DCLK2: variants seen among roughly 807,000 people sequenced by gnomAD.
DCLK2 encodes serine/threonine-protein kinase DCLK2.
A neutral mutation model predicts 78.4 loss-of-function variants in DCLK2; 31 were observed. The ratio of observed to expected loss-of-function variants is 0.40; its 90% CI spans 0.30 to 0.53. The LOEUF (loss-of-function observed/expected upper bound fraction) is 0.53. Ranked by LOEUF, DCLK2 falls within the 20% of genes least tolerant of loss-of-function variation. The pLI, the probability that DCLK2 is intolerant of heterozygous loss-of-function variation, is 0.61. For synonymous variants in DCLK2, 407 were observed against 374.9 expected, an observed-to-expected ratio of 1.09 and a Z score of -0.99; for missense variants, 872 against 973.7, an observed-to-expected ratio of 0.90 and a Z score of 1.39.
chr4:150,245,046 A>G (rs1235013010), intron 12 of DCLK2, among the ~76,000 whole-genome samples: 1 of 151,594 alleles, frequency 6.6e-6, no homozygotes, highest in Non-Finnish European at 1.5e-5. Flanking sequence ...CTCATTTTAA[A>G]TATCTTTTTC....
At chr4:150,118,393 G>T (rs1424933146) in intron 2 of DCLK2, among the ~76,000 whole-genome samples, 4 of 152,100 alleles carry the variant, frequency 2.6e-5, no homozygotes, top group Non-Finnish European at 5.9e-5. Context: ...ATTAAAGAGT[G>T]ATTAGTACTA....
intron 2 of DCLK2, among the ~76,000 whole-genome samples, chr4:150,155,184 T>C (rs1560818036): frequency 6.6e-6 from 1 of 152,216 alleles, no homozygotes. Flanking sequence ...TGAGCCATGA[T>C]TGTGCCATTG....
intron 1 of DCLK2, among the ~76,000 whole-genome samples, chr4:150,089,128 G>A (rs1361113001): frequency 1.3e-5 from 2 of 152,136 alleles, no homozygotes; most frequent in African/African-American, 2.4e-5. Context: ...TTTTGGATAA[G>A]GAATACCCAA....
chr4:150,211,254 G>A (rs1236103565), intron 5 of DCLK2, among the ~76,000 whole-genome samples: 1 of 152,114 alleles, frequency 6.6e-6, no homozygotes, highest in Non-Finnish European at 1.5e-5. Context: ...GGACCTCTCT[G>A]TAAGTTGGCT....
chr4:150,128,020 C>G (rs556626900), intron 2 of DCLK2, among the ~76,000 whole-genome samples: 13 of 151,650 alleles, frequency 8.6e-5, no homozygotes, highest in Admixed American at 7.9e-4. Context: ...TCTAGAAATT[C>G]GATGACTGCG....
chr4:150,256,283 C>G lies in DCLK2; in HGVS notation c.*36C>G. On this transcript the variant is annotated 3_prime_UTR_variant, in exon 16 of 16. Coordinates refer to ENST00000296550, the MANE Select transcript of DCLK2 (RefSeq NM_001040260.4). ...GACGGGCGAAGCCGCCTGCTGCAGC[C>G]CAGGAAGCCAGCCCTCTGCTCGGCC... 6.8e-7 allele frequency: 1 copy of G among 1,464,058 alleles called. No individual in the cohort carries two copies. The highest frequency in any genetic ancestry group is 9.0e-7 in the Non-Finnish European group (1 of 1,111,132). 90.7% of individuals were successfully genotyped at this position (1,464,058 alleles called of 1,614,324 possible).
At chr4:150,096,889 T>C (rs2150146339) in intron 1 of DCLK2, among the ~76,000 whole-genome samples, 1 of 151,900 alleles carries the variant, frequency 6.6e-6, no homozygotes, top group Non-Finnish European at 1.5e-5. Context: ...GCACATTAGG[T>C]AGAGTAGAGT....
At position 150,173,402 on chromosome 4, in the gene DCLK2, T is replaced by C. The variant is rs1158459826; in HGVS notation, c.757-19736T>C. 2.0e-5 allele frequency among the ~76,000 whole-genome samples: 3 copies of C among 152,156 alleles called. No individual in the cohort carries two copies. The East Asian group carries it at 5.8e-4, about 29-fold the overall frequency. ...GGGTTGTTTGGTGTCTCGATGTCTG[T>C]GAAGCATAATAAGACAAAGAGCAGA... On this transcript the variant is annotated intron_variant, in intron 2 of 15. Transcript: ENST00000296550.
chr4:150,204,528 A>G (rs1474139982), intron 5 of DCLK2, among the ~76,000 whole-genome samples: 1 of 152,246 alleles, frequency 6.6e-6, no homozygotes, highest in Admixed American at 6.5e-5. Flanking sequence ...TTGATGTAGT[A>G]GTTCCTAATA....
At chr4:150,153,806 A>G (rs1264420496) in intron 2 of DCLK2, among the ~76,000 whole-genome samples, 1 of 152,108 alleles carries the variant, frequency 6.6e-6, no homozygotes, top group Non-Finnish European at 1.5e-5. Flanking sequence ...GGAGGTGCTT[A>G]TTGGCCTATG....
intron 2 of DCLK2, among the ~76,000 whole-genome samples, chr4:150,189,139 T>C (rs1405496535): frequency 1.3e-5 from 2 of 152,132 alleles, no homozygotes; most frequent in Non-Finnish European, 2.9e-5. Context: ...GATATGTTTT[T>C]TAAAATTCAG....
At chr4:150,096,842 A>G (rs1730501955) in intron 1 of DCLK2, among the ~76,000 whole-genome samples, 1 of 152,220 alleles carries the variant, frequency 6.6e-6, no homozygotes, top group African/African-American at 2.4e-5. Context: ...ATGAAGTGGA[A>G]AAACAGATGA....
chr4:150,111,926 T>G lies in DCLK2; in HGVS notation c.756+9114T>G, dbSNP rs779989209. Among the ~76,000 whole-genome samples the G allele has an allele frequency of 7.5e-4, 114 of 152,200 alleles. 2 individuals carry two copies. Among genetic ancestry groups the G allele is most frequent in the Admixed American group, 2.0e-4 (3 of 15,278 alleles). On this transcript the variant is annotated intron_variant, in intron 2 of 15. Transcript: ENST00000296550. ...ATGCCTCCAGATTTGTTCTTTTTGC[T>G]TAGGATTGCTTTGGCTATCTTGGCT...
intron 2 of DCLK2, among the ~76,000 whole-genome samples, chr4:150,134,247 AT>A (rs1415216183): frequency 1.3e-5 from 2 of 151,628 alleles, no homozygotes; most frequent in South Asian, 4.2e-4. Context: ...CGCCCAGCTA[AT>A]TTTTGTATTT....
chr4:150,224,660 C>T (rs1246186509), intron 8 of DCLK2, 102 bp downstream of exon 8: 1 of 917,638 alleles, frequency 1.1e-6, no homozygotes, highest in African/African-American at 1.7e-5. Flanking sequence ...ACAACTATCA[C>T]AGCAGGAGTA....
chr4:150,248,723 G>T (rs1343190681), intron 14 of DCLK2, among the ~76,000 whole-genome samples: 2 of 152,068 alleles, frequency 1.3e-5, no homozygotes, highest in Admixed American at 6.5e-5. Context: ...AGTTTCCAGG[G>T]TTTGCCCTGG....
chr4:150,212,879 G>A (rs926682977), intron 5 of DCLK2, among the ~76,000 whole-genome samples: 1 of 152,190 alleles, frequency 6.6e-6, no homozygotes, highest in South Asian at 2.1e-4. Flanking sequence ...TGCATTATAG[G>A]TAACTGGATG....
chr4:150,078,938 G>A lies in DCLK2; in HGVS notation c.-90G>A. ...AGAGCCAGGTGTCCCGGCGCGTTAA[G>A]GGCCCTCGCAGTCAGACGTCCCTGC... On this transcript the variant is annotated 5_prime_UTR_variant, in exon 1 of 16. Transcript: ENST00000296550. 7.1e-7 allele frequency: 1 copy of A among 1,404,452 alleles called. No individual in the cohort carries two copies. The highest frequency in any genetic ancestry group is 9.3e-7 in the Non-Finnish European group (1 of 1,072,206). The allele number at this position is 1,404,452 out of a possible 1,614,324, so 87.0% of individuals were successfully genotyped here.
At chr4:150,228,092 C>T (rs1284428097) in intron 8 of DCLK2, among the ~76,000 whole-genome samples, 3 of 152,134 alleles carry the variant, frequency 2.0e-5, no homozygotes, top group South Asian at 2.1e-4. Context: ...ACGCTGCCTT[C>T]TTCTCTGTCT....
Sources: allele counts gnomAD v4.1 joint callset (sites outside exome capture counted in the v4.1 genomes callset), GRCh38; gene constraint gnomAD v4.1.1; transcripts MANE v1.5; gene names NCBI Gene and HGNC (gene_info 2026-07-23, HGNC 2026-07-21).